RPS6KC1: variants seen among roughly 807,000 people sequenced by gnomAD.
The protein encoded by RPS6KC1 is inactive ribosomal protein S6 kinase delta-1.
A neutral mutation model predicts 103.8 loss-of-function variants in RPS6KC1; 54 were observed. The ratio of observed to expected loss-of-function variants is 0.52; its 90% confidence interval spans 0.42 to 0.65. RPS6KC1 has a LOEUF of 0.65. Among genes scored for constraint, RPS6KC1 ranks in the 30% least tolerant of loss-of-function variants. The pLI, the probability that RPS6KC1 is intolerant of heterozygous loss-of-function variation, is 0.00. For synonymous variants in RPS6KC1, 439 were observed against 438.7 expected, an observed-to-expected ratio of 1.00 and a Z score of -0.01; for missense variants, 1,151 against 1,253.8, an observed-to-expected ratio of 0.92 and a Z score of 1.24.
intron 8 of RPS6KC1, among the ~76,000 whole-genome samples, chr1:213,215,809 T>C (rs1449692745): frequency 2.0e-5 from 3 of 152,184 alleles, no homozygotes; most frequent in Non-Finnish European, 2.9e-5. Flanking sequence ...AATAAAATAC[T>C]TTAAAGACAA....
At chr1:213,320,320 T>C in the RPS6KC1 span, among the ~76,000 whole-genome samples, 27 of 152,240 alleles carry the variant, frequency 1.8e-4, no homozygotes, top group African/African-American at 4.8e-4. Flanking sequence ...ATACACTGCA[T>C]TGAATGCAAA....
Position 213,139,911 on chromosome 1 carries a change from TGAA to T in RPS6KC1, c.835+10023_835+10025del, listed in dbSNP as rs1158312671. Among the ~76,000 whole-genome samples the T allele has an allele frequency of 4.6e-5, 7 of 152,224 alleles. 1 individual carries two copies. The highest frequency in any genetic ancestry group is 1.7e-4 in the African/African-American group (7 of 41,574). ...ATTAATAGTTTGATAGGAATAGCATTGAATCTGTAAATAGCTTTGGGGAGTATG... is the reference window on the plus strand; with the variant it reads ...ATTAATAGTTTGATAGGAATAGCATTTCTGTAAATAGCTTTGGGGAGTATG... On this transcript the variant is annotated intron_variant, in intron 6 of 14. Coordinates refer to ENST00000366960, the MANE Select transcript of RPS6KC1 (RefSeq NM_012424.6).
intron 4 of RPS6KC1, among the ~76,000 whole-genome samples, chr1:213,107,244 C>T (rs1443906731): frequency 8.5e-5 from 13 of 152,068 alleles, no homozygotes; most frequent in Admixed American, 6.5e-4. Flanking sequence ...GCCTGGCCAA[C>T]ATCCAATTTT....
the RPS6KC1 span, among the ~76,000 whole-genome samples, chr1:213,466,212 A>G: frequency 4.3e-4 from 66 of 152,176 alleles, no homozygotes; most frequent in African/African-American, 1.6e-3. Flanking sequence ...TTTGTTTGAG[A>G]TGCCATACAA....
chr1:213,826,501 C>G, the RPS6KC1 span, among the ~76,000 whole-genome samples: 1 of 152,136 alleles, frequency 6.6e-6, no homozygotes, highest in Admixed American at 6.5e-5. Flanking sequence ...CTACAACAAC[C>G]TTGTAGGCAG....
At chr1:213,822,398 A>C in the RPS6KC1 span, 1 of 151,870 alleles carries the variant, frequency 6.6e-6, no homozygotes, top group African/African-American at 2.4e-5. Context: ...TATCAGGTTG[A>C]TACATAAGAA....
At chr1:213,202,719 G>C (rs1481780069) in intron 8 of RPS6KC1, among the ~76,000 whole-genome samples, 1 of 151,820 alleles carries the variant, frequency 6.6e-6, no homozygotes, top group Non-Finnish European at 1.5e-5. Flanking sequence ...GCTGAGTTAG[G>C]GTCTTATTTT....
the RPS6KC1 span, among the ~76,000 whole-genome samples, chr1:213,758,251 G>T: frequency 4.6e-5 from 7 of 152,086 alleles, no homozygotes; most frequent in Non-Finnish European, 1.0e-4. Context: ...AAATCCTCTG[G>T]AAAGAATTTA....
chr1:213,698,441 A>G, the RPS6KC1 span, among the ~76,000 whole-genome samples: 2 of 152,200 alleles, frequency 1.3e-5, no homozygotes, highest in African/African-American at 2.4e-5. Flanking sequence ...TGAATGTTAT[A>G]TAACTATTGT....
chr1:213,621,017 G>A, the RPS6KC1 span, among the ~76,000 whole-genome samples: 1 of 152,138 alleles, frequency 6.6e-6, no homozygotes, highest in Admixed American at 6.5e-5. Flanking sequence ...TTTTTAAAGA[G>A]CTTTTGACCT....
chr1:213,765,045 C>T, the RPS6KC1 span, among the ~76,000 whole-genome samples: 3 of 152,288 alleles, frequency 2.0e-5, no homozygotes, highest in South Asian at 6.2e-4. Flanking sequence ...AGGCCTAGGC[C>T]ACCAGCCCTT....
At chr1:213,412,091 T>A in the RPS6KC1 span, among the ~76,000 whole-genome samples, 45 of 152,180 alleles carry the variant, frequency 3.0e-4, no homozygotes, top group Non-Finnish European at 5.6e-4. Context: ...GAAGCCTGGG[T>A]GGGCAGAGGG....
At chr1:213,359,270 T>G in the RPS6KC1 span, among the ~76,000 whole-genome samples, 18 of 152,352 alleles carry the variant, frequency 1.2e-4, no homozygotes, top group Middle Eastern at 3.4e-3. Context: ...TTTAGGATAG[T>G]TAGCTCTTCT....
At chr1:213,305,961 C>T in the RPS6KC1 span, among the ~76,000 whole-genome samples, 1 of 152,204 alleles carries the variant, frequency 6.6e-6, no homozygotes, top group Non-Finnish European at 1.5e-5. Context: ...TGACAGACCT[C>T]ATTCATTACC....
the RPS6KC1 span, among the ~76,000 whole-genome samples, chr1:213,424,758 T>C: frequency 6.6e-6 from 1 of 152,234 alleles, no homozygotes; most frequent in Admixed American, 6.5e-5. Context: ...ATAAACCAAG[T>C]CCTTTTGTAG....
At chr1:213,394,451 C>A in the RPS6KC1 span, among the ~76,000 whole-genome samples, 1 of 152,268 alleles carries the variant, frequency 6.6e-6, no homozygotes, top group South Asian at 2.1e-4. Context: ...ACCCCACCTC[C>A]ACTGCCAGCC....
At chr1:213,207,692 G>A (rs2093391239) in intron 8 of RPS6KC1, among the ~76,000 whole-genome samples, 1 of 151,018 alleles carries the variant, frequency 6.6e-6, no homozygotes, top group South Asian at 2.1e-4. Flanking sequence ...TGTTTGTTTT[G>A]AGACACTGTG....
At chr1:213,179,960 T>G (rs2092159184) in intron 8 of RPS6KC1, among the ~76,000 whole-genome samples, 1 of 152,196 alleles carries the variant, frequency 6.6e-6, no homozygotes, top group Non-Finnish European at 1.5e-5. Context: ...GACTGCTACC[T>G]GGTACGATTG....
chr1:213,125,424 G>A (rs941516107), intron 5 of RPS6KC1, among the ~76,000 whole-genome samples: 3 of 152,094 alleles, frequency 2.0e-5, no homozygotes, highest in African/African-American at 7.2e-5. Context: ...GTGATGGACA[G>A]ATGGACATTC....
Sources: gnomAD v4.1 joint callset for allele counts (sites outside exome capture counted in the v4.1 genomes callset) on GRCh38, gnomAD v4.1.1 for gene constraint, MANE v1.5 for transcripts, NCBI Gene and HGNC (gene_info 2026-07-23, HGNC 2026-07-21) for gene names.